The following LINC00305 variants were observed in gnomAD, a reference collection of about 807,000 sequenced individuals.
LINC00305 encodes long independently transcribed non-coding RNA 305, also known as long intergenic non-protein coding RNA 305.
intron 3 of LINC00305, among the ~76,000 whole-genome samples, chr18:64,092,376 C>G (rs2051227980): frequency 6.6e-6 from 1 of 152,342 alleles, no homozygotes; most frequent in South Asian, 2.1e-4. Context: ...TCCTGGCCAA[C>G]ATGGTGAAAC....
chr18:64,088,200 G>A (rs749075169), intron 3 of LINC00305, among the ~76,000 whole-genome samples: 5 of 151,984 alleles, frequency 3.3e-5, no homozygotes, highest in Non-Finnish European at 5.9e-5. Flanking sequence ...AACAGTCATG[G>A]AAGACTTGCT....
At chr18:64,083,321 C>G (rs2051191660) in intron 3 of LINC00305, among the ~76,000 whole-genome samples, 1 of 152,118 alleles carries the variant, frequency 6.6e-6, no homozygotes, top group East Asian at 1.9e-4. Flanking sequence ...GCTGGCTCTT[C>G]AAAAACCTCA....
intron 1 of LINC00305, among the ~76,000 whole-genome samples, chr18:64,143,684 C>A (rs34583004): frequency 0.55 from 40,505 of 73,460 alleles, 15,594 homozygotes; most frequent in South Asian, 0.62. Flanking sequence ...ATATGTATGT[C>A]CACATATTAT....
At chr18:64,102,177 C>A (rs182032283) in intron 1 of LINC00305, among the ~76,000 whole-genome samples, 280 of 152,280 alleles carry the variant, frequency 1.8e-3, no homozygotes, top group Non-Finnish European at 1.9e-3. Flanking sequence ...CCCTCAGCAG[C>A]AACTGGACAA....
At chr18:64,143,729 T>C (rs1173287960) in intron 1 of LINC00305, among the ~76,000 whole-genome samples, 1 of 151,474 alleles carries the variant, frequency 6.6e-6, no homozygotes, top group Non-Finnish European at 1.5e-5. Context: ...TGCGTACATG[T>C]ATGTCCACAT....
intron 3 of LINC00305, among the ~76,000 whole-genome samples, chr18:64,093,908 A>G (rs902882504): frequency 6.1e-5 from 9 of 148,294 alleles, no homozygotes; most frequent in Admixed American, 4.0e-4. Flanking sequence ...ACCTTTACTC[A>G]AAGAACTTAC....
At chr18:64,126,513 G>A (rs2051385963) in intron 1 of LINC00305, among the ~76,000 whole-genome samples, 2 of 151,980 alleles carry the variant, frequency 1.3e-5, no homozygotes, top group Non-Finnish European at 2.9e-5. Context: ...ATAGGCTCTC[G>A]CTCAGCCTCT....
chr18:64,094,297 C>T (rs774842479), intron 3 of LINC00305, among the ~76,000 whole-genome samples: 1 of 152,128 alleles, frequency 6.6e-6, no homozygotes, highest in Non-Finnish European at 1.5e-5. Flanking sequence ...TCACAAGGTC[C>T]CCTTCTGAAA....
At chr18:64,134,308 G>A (rs1180526750) in intron 1 of LINC00305, among the ~76,000 whole-genome samples, 1 of 152,134 alleles carries the variant, frequency 6.6e-6, no homozygotes, top group East Asian at 1.9e-4. Flanking sequence ...TTATTAGCAG[G>A]AAAACAGCAG....
chr18:64,116,837 C>T (rs2051339863), intron 1 of LINC00305, among the ~76,000 whole-genome samples: 1 of 152,180 alleles, frequency 6.6e-6, no homozygotes, highest in South Asian at 2.1e-4. Flanking sequence ...GCTAAACTTA[C>T]CAGCTGCCTT....
intron 3 of LINC00305, among the ~76,000 whole-genome samples, chr18:64,082,023 C>A (rs2051187027): frequency 6.6e-6 from 1 of 152,116 alleles, no homozygotes; most frequent in Non-Finnish European, 1.5e-5. Flanking sequence ...GTGATAAAAG[C>A]CCTTTCCTGA....
At chr18:64,107,303 C>T (rs965511567) in intron 1 of LINC00305, among the ~76,000 whole-genome samples, 26 of 152,136 alleles carry the variant, frequency 1.7e-4, no homozygotes, top group African/African-American at 5.1e-4. Context: ...CCATGTGCTA[C>T]GAAACACTGG....
chr18:64,129,464 G>A (rs1041077070), intron 1 of LINC00305, among the ~76,000 whole-genome samples: 1 of 152,228 alleles, frequency 6.6e-6, no homozygotes, highest in South Asian at 2.1e-4. Flanking sequence ...ACCAAGAGCT[G>A]CAGGGATGCC....
intron 1 of LINC00305, among the ~76,000 whole-genome samples, chr18:64,120,968 A>G (rs1297798015): frequency 6.6e-6 from 1 of 152,154 alleles, no homozygotes; most frequent in African/African-American, 2.4e-5. Context: ...ACTCATAGGC[A>G]TGTGCTCAAA....
At chr18:64,089,728 G>A (rs1346153088) in intron 3 of LINC00305, among the ~76,000 whole-genome samples, 2 of 152,194 alleles carry the variant, frequency 1.3e-5, no homozygotes, top group African/African-American at 4.8e-5. Flanking sequence ...GGCTGGGGAG[G>A]CCTCACAATT....
At chr18:64,110,629 A>T (rs1384377794) in intron 1 of LINC00305, among the ~76,000 whole-genome samples, 1 of 152,114 alleles carries the variant, frequency 6.6e-6, no homozygotes, top group Non-Finnish European at 1.5e-5. Context: ...TTCTTTTTGG[A>T]AGTGACTTAG....
intron 1 of LINC00305, among the ~76,000 whole-genome samples, chr18:64,110,899 C>T (rs2144249404): frequency 6.6e-6 from 1 of 152,290 alleles, no homozygotes; most frequent in South Asian, 2.1e-4. Flanking sequence ...TGCTAATGAC[C>T]TCGCAGCAGG....
chr18:64,140,708 G>A (rs1187437506), intron 1 of LINC00305, among the ~76,000 whole-genome samples: 6 of 152,130 alleles, frequency 3.9e-5, no homozygotes, highest in East Asian at 1.9e-4. Context: ...TATGTTATGC[G>A]ATATATGGCA....
At chr18:64,086,549 A>G (rs2051204348) in intron 3 of LINC00305, among the ~76,000 whole-genome samples, 1 of 152,222 alleles carries the variant, frequency 6.6e-6, no homozygotes, top group African/African-American at 2.4e-5. Context: ...CCTTTGATTC[A>G]CTAAAGCTAC....
Sources: allele counts gnomAD v4.1 joint callset (sites outside exome capture counted in the v4.1 genomes callset), GRCh38; gene constraint gnomAD v4.1.1; transcripts MANE v1.5; gene names NCBI Gene and HGNC (gene_info 2026-07-23, HGNC 2026-07-21).